Variants in RNF111 observed in about 807,000 individuals in gnomAD.
RNF111 encodes E3 ubiquitin-protein ligase Arkadia.
RNF111 carries 17 observed loss-of-function variants against 95.1 expected under a neutral mutation model. The ratio of observed to expected loss-of-function variants is 0.18; its 90% CI spans 0.12 to 0.27. RNF111 has a LOEUF of 0.27. Among genes scored for constraint, RNF111 ranks in the 10% least tolerant of loss-of-function variants. The probability of loss-of-function intolerance (pLI) is 1.00; values close to 1 mark genes in which losing one functional copy is unlikely to be tolerated. For synonymous variants in RNF111, 440 were observed against 414.8 expected (o/e 1.06, Z -0.74); for missense variants, 1,189 against 1,210.4 (o/e 0.98, Z 0.26).
intron 1 of RNF111, among the ~76,000 whole-genome samples, chr15:58,999,460 C>T (rs527621325): frequency 2.4e-4 from 36 of 152,118 alleles, no homozygotes; most frequent in Non-Finnish European, 4.3e-4. Flanking sequence ...CTCAGCCTCC[C>T]GAGTAGCTGG....
intron 1 of RNF111, among the ~76,000 whole-genome samples, chr15:59,014,101 AT>A (rs2039957317): frequency 6.6e-6 from 1 of 152,126 alleles, no homozygotes; most frequent in Non-Finnish European, 1.5e-5. Flanking sequence ...TCATTTTTAA[AT>A]TTTGGAGTAG....
At chr15:59,078,575 A>AT (rs2078637627) in intron 7 of RNF111, among the ~76,000 whole-genome samples, 1 of 146,872 alleles carries the variant, frequency 6.8e-6, no homozygotes, top group Admixed American at 6.9e-5. Flanking sequence ...AAAAAAAAAA[A>AT]GACCAGGCAC....
At chr15:59,067,538 T>C (rs1566928022) in intron 6 of RNF111, among the ~76,000 whole-genome samples, 1 of 152,188 alleles carries the variant, frequency 6.6e-6, no homozygotes, top group East Asian at 1.9e-4. Context: ...GAAAATGGCC[T>C]AATTTAGTGG....
chr15:59,021,691 A>G (rs1438290313), intron 1 of RNF111, among the ~76,000 whole-genome samples: 1 of 152,198 alleles, frequency 6.6e-6, no homozygotes. Flanking sequence ...CCAAGATTAC[A>G]TAGGGGCAGA....
chr15:59,065,852 A>G (rs1311689461), intron 5 of RNF111, among the ~76,000 whole-genome samples: 3 of 152,144 alleles, frequency 2.0e-5, no homozygotes, highest in African/African-American at 7.2e-5. Context: ...CTCTACAAAA[A>G]ATACAAAAAT....
intron 10 of RNF111, among the ~76,000 whole-genome samples, chr15:59,086,045 G>T (rs1376626241): frequency 6.6e-6 from 1 of 151,354 alleles, no homozygotes; most frequent in Non-Finnish European, 1.5e-5. Flanking sequence ...TTAATCCACT[G>T]TCAGGAGTAT....
intron 1 of RNF111, among the ~76,000 whole-genome samples, chr15:59,026,722 A>AG (rs1238667113): frequency 7.5e-6 from 1 of 133,478 alleles, no homozygotes; most frequent in African/African-American, 2.6e-5. Flanking sequence ...GATGGATTTT[A>AG]GAAAAAAAAA....
intron 1 of RNF111, among the ~76,000 whole-genome samples, 157 bp from the exon 2 acceptor site, chr15:59,030,647 T>C (rs2040858260): frequency 6.6e-6 from 1 of 152,110 alleles, no homozygotes; most frequent in African/African-American, 2.4e-5. Flanking sequence ...TTTATAAGAA[T>C]AGTAAAATAA....
At chr15:59,053,159 C>T (rs1295455416) in intron 3 of RNF111, among the ~76,000 whole-genome samples, 1 of 152,158 alleles carries the variant, frequency 6.6e-6, no homozygotes, top group East Asian at 1.9e-4. Flanking sequence ...TTCCTTCACT[C>T]AGTAATTTTA....
chr15:58,996,592 A>T (rs2039082477), intron 1 of RNF111, among the ~76,000 whole-genome samples: 1 of 151,716 alleles, frequency 6.6e-6, no homozygotes, highest in African/African-American at 2.4e-5. Flanking sequence ...AGAAAAAAAA[A>T]ATTAAAAAAT....
rs532813954 is a variant in RNF111, at chr15:59,095,857, G to A, written c.*957G>A. On this transcript the variant is annotated 3_prime_UTR_variant, in exon 14 of 14. Transcript: ENST00000348370. ...CATTAAGTCAAGATTTGGAATTTAA[G>A]TCACTGGCAGGTATCTGTGCATTCA... is the stretch of plus-strand genomic sequence containing the variant. The A allele has an allele frequency of 5.1e-6, 2 of 395,760 alleles. No homozygotes were observed. The highest frequency in any genetic ancestry group is 4.5e-6 in the Non-Finnish European group (1 of 224,572). The allele number at this position is 395,760 out of a possible 1,614,324, so 24.5% of individuals were successfully genotyped here.
At chr15:59,072,418 T>G (rs1596274760) in intron 6 of RNF111, among the ~76,000 whole-genome samples, 1 of 151,948 alleles carries the variant, frequency 6.6e-6, no homozygotes, top group East Asian at 1.9e-4. Context: ...TAAGTTGATG[T>G]GATATTCTAA....
Position 59,031,381 on chromosome 15 carries a change from A to G in RNF111, c.559A>G (p.Thr187Ala). The G allele has an allele frequency of 6.2e-7, 1 of 1,614,220 alleles. No individual in the cohort carries two copies. The highest frequency in any genetic ancestry group is 1.1e-5 in the South Asian group (1 of 91,090). Reference sequence around the variant, plus strand: ...TGCACGGTCTCATAAGTGGCCTCGGACTGAGACAGAATCTGTATCGGGATT... The same window carrying G: ...TGCACGGTCTCATAAGTGGCCTCGGGCTGAGACAGAATCTGTATCGGGATT... ...HSARSHKWPRTETESVSGLLM... is the reference protein window; with the variant it reads ...HSARSHKWPRAETESVSGLLM... Residue 187 changes from threonine to alanine, a missense_variant, in exon 2 of 14, where the codon ACT (threonine) becomes GCT (alanine). This residue lies in a region of RNF111 where 1,024 missense variants were observed against 925.9 expected (regional missense o/e 1.11). Transcript: ENST00000348370.
intron 1 of RNF111, among the ~76,000 whole-genome samples, chr15:59,024,239 C>G (rs1034457422): frequency 2.0e-5 from 3 of 152,108 alleles, no homozygotes; most frequent in Non-Finnish European, 2.9e-5. Flanking sequence ...TCACCATATT[C>G]TTAGTTACCT....
intron 6 of RNF111, among the ~76,000 whole-genome samples, chr15:59,073,658 C>T (rs2043043148): frequency 6.6e-6 from 1 of 152,104 alleles, no homozygotes; most frequent in Admixed American, 6.5e-5. Flanking sequence ...GTCTTGAACC[C>T]CTCAAAGTGT....
At chr15:59,002,359 C>G (rs960041619) in intron 1 of RNF111, among the ~76,000 whole-genome samples, 9 of 152,172 alleles carry the variant, frequency 5.9e-5, no homozygotes, top group Admixed American at 5.2e-4. Context: ...TTCCGTTTTC[C>G]CATGGTATTT....
At chr15:58,995,938 A>G (rs1361502002) in intron 1 of RNF111, among the ~76,000 whole-genome samples, 1 of 152,036 alleles carries the variant, frequency 6.6e-6, no homozygotes, top group African/African-American at 2.4e-5. Context: ...ATATACAGGA[A>G]TAATCTTTTT....
intron 12 of RNF111, 48 bp from the exon 13 acceptor site, chr15:59,092,489 A>T (rs1243785351): frequency 6.4e-7 from 1 of 1,565,756 alleles, no homozygotes; most frequent in Non-Finnish European, 8.6e-7. Flanking sequence ...TCAGTTGTTC[A>T]ATAATGTCAT....
At chr15:59,092,668 C>G (rs1387524741) in intron 13 of RNF111, 28 bp downstream of exon 13, 2 of 1,578,488 alleles carry the variant, frequency 1.3e-6, no homozygotes, top group Non-Finnish European at 1.7e-6. Flanking sequence ...ATCTAAAATC[C>G]ATTGTCAAAA....
Sources: allele counts gnomAD v4.1 joint callset (sites outside exome capture counted in the v4.1 genomes callset), GRCh38; gene constraint gnomAD v4.1.1; regional missense constraint gnomAD v4.1.1; transcripts MANE v1.5; gene names NCBI Gene and HGNC (gene_info 2026-07-23, HGNC 2026-07-21).